Variants in ELAPOR2 observed in about 807,000 individuals in gnomAD.
The protein encoded by ELAPOR2 is endosome-lysosome associated apoptosis and autophagy regulator family member 2.
Under a neutral mutation model 120.7 loss-of-function variants are expected in ELAPOR2, and 89 were observed. The ratio of observed to expected loss-of-function variants is 0.74; its 90% CI spans 0.62 to 0.88. The LOEUF is 0.88. Ranked by LOEUF, ELAPOR2 falls within the 40% of genes least tolerant of loss-of-function variation. The pLI is 0.00. For synonymous variants in ELAPOR2, 444 were observed against 444.9 expected (o/e 1.00, Z 0.03); for missense variants, 1,134 against 1,251.6 (o/e 0.91, Z 1.42).
chr7:86,980,214 C>A (rs1394093126), intron 1 of ELAPOR2, among the ~76,000 whole-genome samples: 1 of 152,126 alleles, frequency 6.6e-6, no homozygotes, highest in Non-Finnish European at 1.5e-5. Flanking sequence ...TAAATAGTGC[C>A]TTTGAATTAA....
At chr7:87,025,705 T>A (rs1794219942) in intron 1 of ELAPOR2, among the ~76,000 whole-genome samples, 1 of 152,128 alleles carries the variant, frequency 6.6e-6, no homozygotes, top group African/African-American at 2.4e-5. Flanking sequence ...TAAGGCCAAT[T>A]TTTTACATAA....
intron 1 of ELAPOR2, among the ~76,000 whole-genome samples, chr7:87,044,621 G>T (rs1252172946): frequency 6.6e-6 from 1 of 151,778 alleles, no homozygotes. Context: ...ATGGATTAAA[G>T]ACTTAAATGT....
chr7:86,934,520 T>C (rs1410354863), intron 8 of ELAPOR2, among the ~76,000 whole-genome samples: 2 of 151,978 alleles, frequency 1.3e-5, no homozygotes, highest in Non-Finnish European at 2.9e-5. Context: ...TCAGCCTTCT[T>C]AACCACTCTA....
rs1029952446 is a variant in ELAPOR2 at position 86,878,016 on chromosome 7, G to A, written c.*2455C>T. The stretch of plus-strand genomic sequence containing the variant: ...AAAATTGATTTAAATACGTTTTGAC[G>A]AGTGCTAAGAGATGTTATAGGCAAC... On this transcript the variant is annotated 3_prime_UTR_variant, in exon 22 of 22. Transcript: ENST00000450689. 3.9e-5 allele frequency: 6 copies of A among 152,114 alleles called. No individual in the cohort carries two copies. The highest frequency in any genetic ancestry group is 9.7e-5 in the African/African-American group (4 of 41,410). 9.4% of individuals were successfully genotyped at this position (152,114 alleles called of 1,614,324 possible).
intron 18 of ELAPOR2, among the ~76,000 whole-genome samples, chr7:86,900,259 T>G (rs1788658568): frequency 6.6e-6 from 1 of 151,958 alleles, no homozygotes; most frequent in African/African-American, 2.4e-5. Flanking sequence ...CTAATCAAAG[T>G]TGCAAAAACT....
intron 1 of ELAPOR2, among the ~76,000 whole-genome samples, chr7:86,970,072 T>A (rs1184908198): frequency 1.3e-5 from 2 of 152,158 alleles, no homozygotes; most frequent in East Asian, 1.9e-4. Flanking sequence ...AGTGAGTGAA[T>A]GTAGTCTCCG....
chr7:86,924,374 T>TACACACACACACACACACAC (rs3057442), intron 10 of ELAPOR2, among the ~76,000 whole-genome samples: 33 of 145,328 alleles, frequency 2.3e-4, no homozygotes, highest in East Asian at 1.9e-3. Flanking sequence ...AGTAAGTGAA[T>TACACACACACACACACACAC]ACACACACAC....
Position 86,970,523 on chromosome 7 carries a change from G to C in ELAPOR2, c.190-5499C>G, listed in dbSNP as rs1404577870. On this transcript the variant is annotated intron_variant, in intron 1 of 21. Transcript: ENST00000450689. ...TATTTGAGAGAGCAAAATGGCAAGAGGAAAAAAGGGAGACAACAAGAGATT... is the reference window on the plus strand; with the variant it reads ...TATTTGAGAGAGCAAAATGGCAAGACGAAAAAAGGGAGACAACAAGAGATT... 2.0e-5 allele frequency among the ~76,000 whole-genome samples: 3 copies of C among 152,014 alleles called. No homozygotes were observed. In the East Asian group the frequency reaches 5.8e-4, roughly 29 times the overall value.
At chr7:87,008,204 A>C (rs1425667891) in intron 1 of ELAPOR2, among the ~76,000 whole-genome samples, 1 of 152,212 alleles carries the variant, frequency 6.6e-6, no homozygotes, top group Non-Finnish European at 1.5e-5. Context: ...TGTGTCAAAA[A>C]CATATAATGT....
At chr7:86,932,078 A>T (rs1790353660) in intron 8 of ELAPOR2, among the ~76,000 whole-genome samples, 1 of 151,848 alleles carries the variant, frequency 6.6e-6, no homozygotes. Flanking sequence ...TTGGTTGGCT[A>T]TGGGCTCATG....
chr7:86,975,411 G>GA (rs1350939866), intron 1 of ELAPOR2, among the ~76,000 whole-genome samples: 1 of 152,096 alleles, frequency 6.6e-6, no homozygotes, highest in Non-Finnish European at 1.5e-5. Flanking sequence ...GACCCTGTAA[G>GA]AATCTCTTAA....
At chr7:86,963,526 GACCACCAT>G (rs1215183116) in intron 2 of ELAPOR2, among the ~76,000 whole-genome samples, 2 of 152,114 alleles carry the variant, frequency 1.3e-5, no homozygotes, top group Non-Finnish European at 2.9e-5. Flanking sequence ...CGCTAGCCAA[GACCACCAT>G]ACCACCTAGA....
chr7:86,890,427 T>C (rs1788090243), intron 21 of ELAPOR2, among the ~76,000 whole-genome samples: 1 of 152,054 alleles, frequency 6.6e-6, no homozygotes, highest in Non-Finnish European at 1.5e-5. Flanking sequence ...GCATGTTTAC[T>C]GTTCATTATG....
intron 1 of ELAPOR2, among the ~76,000 whole-genome samples, chr7:87,024,987 GAA>G (rs200302607): frequency 5.1e-5 from 6 of 118,618 alleles, no homozygotes; most frequent in Admixed American, 1.7e-4. Context: ...TTTTCCTACA[GAA>G]AAAAAAAAAA....
chr7:87,034,756 A>C (rs1017571045), intron 1 of ELAPOR2, among the ~76,000 whole-genome samples: 1 of 152,162 alleles, frequency 6.6e-6, no homozygotes, highest in African/African-American at 2.4e-5. Flanking sequence ...ACACTGTAGC[A>C]TTCTTAGAAT....
chr7:86,918,571 T>G (rs758609799), intron 11 of ELAPOR2, 27 bp from the exon 12 acceptor site: 2 of 1,291,310 alleles, frequency 1.5e-6, no homozygotes, highest in Admixed American at 3.4e-5. Context: ...AATGGCAATA[T>G]TTATACTATG....
chr7:86,948,911 A>G (rs1402663912), intron 2 of ELAPOR2, among the ~76,000 whole-genome samples: 1 of 152,312 alleles, frequency 6.6e-6, no homozygotes, highest in East Asian at 1.9e-4. Context: ...CCCAGTGAAG[A>G]AAAACAAATC....
chr7:86,892,865 T>C (rs1788234965), intron 20 of ELAPOR2, 57 bp downstream of exon 20: 1 of 1,382,948 alleles, frequency 7.2e-7, no homozygotes, highest in Admixed American at 3.0e-5. Flanking sequence ...AAGTCTAGAA[T>C]TTTCACAACA....
At chr7:86,912,871 A>G in intron 14 of ELAPOR2, 70 bp downstream of exon 14, 1 of 1,536,480 alleles carries the variant, frequency 6.5e-7, no homozygotes, top group East Asian at 2.3e-5. Flanking sequence ...GAGAAACATT[A>G]AGGAGAACGC....
Sources: allele counts gnomAD v4.1 joint callset (sites outside exome capture counted in the v4.1 genomes callset), GRCh38; gene constraint gnomAD v4.1.1; transcripts MANE v1.5; gene names NCBI Gene and HGNC (gene_info 2026-07-23, HGNC 2026-07-21).